The following SPTLC3 variants were observed in gnomAD, a reference collection of about 807,000 sequenced individuals.
SPTLC3 encodes serine palmitoyltransferase 3.
A neutral mutation model predicts 59.3 loss-of-function variants in SPTLC3; 36 were observed. The observed-to-expected ratio is 0.61, with a 90% CI of 0.47 to 0.80. The LOEUF (loss-of-function observed/expected upper bound fraction) is 0.80, where lower values mean the gene tolerates loss of function less well. Ranked by LOEUF, SPTLC3 falls within the 30% of genes least tolerant of loss-of-function variation. The probability of loss-of-function intolerance (pLI) is 0.00; values close to 1 mark genes in which losing one functional copy is unlikely to be tolerated. For missense variants in SPTLC3, 625 were observed against 685.1 expected, an observed-to-expected ratio of 0.91 and a Z score of 0.98; for synonymous variants, 257 against 240.8, an observed-to-expected ratio of 1.07 and a Z score of -0.62.
chr20:13,032,101 C>G (rs1161666817), intron 1 of SPTLC3, among the ~76,000 whole-genome samples: 2 of 152,194 alleles, frequency 1.3e-5, no homozygotes, highest in Non-Finnish European at 2.9e-5. Context: ...TATAATTGGT[C>G]AAGAACGTGG....
chr20:13,048,064 A>G (rs2122495287), intron 1 of SPTLC3, among the ~76,000 whole-genome samples: 1 of 152,340 alleles, frequency 6.6e-6, no homozygotes, highest in Non-Finnish European at 1.5e-5. Flanking sequence ...TAACTGACAA[A>G]GATCAAAAAA....
chr20:13,116,314 A>T (rs899656586), intron 7 of SPTLC3, among the ~76,000 whole-genome samples: 1 of 152,238 alleles, frequency 6.6e-6, no homozygotes, highest in Non-Finnish European at 1.5e-5. Flanking sequence ...GAACTAACCT[A>T]AACGGTTGTT....
chr20:13,136,953 T>C (rs1002058770), intron 9 of SPTLC3, among the ~76,000 whole-genome samples: 7 of 152,062 alleles, frequency 4.6e-5, no homozygotes, highest in African/African-American at 1.7e-4. Flanking sequence ...TTCTCTACTT[T>C]CCATAGGAAG....
At chr20:13,047,496 T>G (rs1431439) in intron 1 of SPTLC3, among the ~76,000 whole-genome samples, 151,516 of 152,230 alleles carry the variant, frequency 1, 75,409 homozygotes, top group Middle Eastern at 1. Flanking sequence ...TTCAAAACAT[T>G]TTTTGTGTGT....
At position 13,154,115 on chromosome 20, in the gene SPTLC3, T is replaced by C; in HGVS notation, c.1392T>C (p.Leu464=). ...GNENASVVPL[L]LYMPGKVAAF... ...AGAATGCTTCTGTTGTTCCTCTGCT[T>C]CTTTATATGCCTGGTAAAGTAGCGT... The change falls in exon 10 of 12, where the codon CTT becomes CTC. Residue 464 remains leucine, a synonymous_variant. Transcript: ENST00000399002. The C allele has an allele frequency of 1.2e-6, 2 of 1,614,174 alleles. No individual in the cohort carries two copies. The highest frequency in any genetic ancestry group is 1.7e-6 in the Non-Finnish European group (2 of 1,180,000).
intron 11 of SPTLC3, 57 bp downstream of exon 11, chr20:13,160,189 G>A (rs1044218314): frequency 1.3e-6 from 2 of 1,537,978 alleles, no homozygotes; most frequent in Middle Eastern, 1.7e-4. Flanking sequence ...TTCAAAGCAA[G>A]TCCTTTTGTT....
At chr20:13,065,816 A>G (rs1988182817) in intron 2 of SPTLC3, among the ~76,000 whole-genome samples, 1 of 103,052 alleles carries the variant, frequency 9.7e-6, no homozygotes, top group African/African-American at 3.4e-5. Context: ...TTTATAGTGT[A>G]CAATATGATG....
chr20:13,076,172 T>C (rs1377883200), intron 4 of SPTLC3, among the ~76,000 whole-genome samples: 1 of 152,038 alleles, frequency 6.6e-6, no homozygotes, highest in Non-Finnish European at 1.5e-5. Flanking sequence ...TTTAGGCAAA[T>C]AGAATGACTG....
At chr20:13,055,920 A>G (rs1211741935) in intron 2 of SPTLC3, among the ~76,000 whole-genome samples, 1 of 152,082 alleles carries the variant, frequency 6.6e-6, no homozygotes, top group Non-Finnish European at 1.5e-5. Flanking sequence ...AGGGCCTTTC[A>G]AGAGTCATCT....
At chr20:13,044,878 C>T (rs1337140990) in intron 1 of SPTLC3, among the ~76,000 whole-genome samples, 1 of 152,050 alleles carries the variant, frequency 6.6e-6, no homozygotes, top group African/African-American at 2.4e-5. Flanking sequence ...CAACACCAGA[C>T]TCCAGTTCAA....
chr20:13,019,439 A>G (rs1204231190), intron 1 of SPTLC3, among the ~76,000 whole-genome samples: 3 of 152,164 alleles, frequency 2.0e-5, no homozygotes, highest in African/African-American at 7.2e-5. Flanking sequence ...TTTAGGAAAA[A>G]TGGCTCAGAG....
intron 2 of SPTLC3, among the ~76,000 whole-genome samples, chr20:13,053,317 G>A (rs1279763683): frequency 6.6e-6 from 1 of 152,132 alleles, no homozygotes; most frequent in Non-Finnish European, 1.5e-5. Flanking sequence ...CTGTTAGAAG[G>A]AAAACTAACA....
intron 2 of SPTLC3, among the ~76,000 whole-genome samples, chr20:13,051,800 C>T (rs1032190292): frequency 6.6e-5 from 10 of 152,108 alleles, no homozygotes; most frequent in Non-Finnish European, 1.0e-4. Flanking sequence ...CAAAACCATG[C>T]AAATACATGG....
intron 1 of SPTLC3, among the ~76,000 whole-genome samples, chr20:13,014,066 AAG>A (rs1218691750): frequency 1.3e-5 from 2 of 152,218 alleles, no homozygotes; most frequent in Non-Finnish European, 2.9e-5. Flanking sequence ...ACTGGCTTCT[AAG>A]AGAGTAAAAA....
chr20:13,050,863 GACAA>G, intron 2 of SPTLC3: 2 of 152,216 alleles, frequency 1.3e-5, no homozygotes, highest in Admixed American at 1.3e-4. Flanking sequence ...GTCATCTTCA[GACAA>G]ACAAATGCCG....
chr20:13,083,596 C>T (rs560094782), intron 4 of SPTLC3, among the ~76,000 whole-genome samples: 1 of 152,280 alleles, frequency 6.6e-6, no homozygotes, highest in African/African-American at 2.4e-5. Context: ...TCCAGAAAGT[C>T]TCAATAACTT....
chr20:13,155,913 A>T (rs189495184), intron 10 of SPTLC3, among the ~76,000 whole-genome samples: 129 of 152,318 alleles, frequency 8.5e-4, no homozygotes, highest in Non-Finnish European at 1.4e-3. Context: ...TCAGGAAAAC[A>T]TTGCATGAAG....
chr20:13,149,041 C>T (rs1009348855), intron 9 of SPTLC3, among the ~76,000 whole-genome samples: 4 of 152,162 alleles, frequency 2.6e-5, no homozygotes, highest in Non-Finnish European at 5.9e-5. Context: ...AGTTTGATTC[C>T]CATTCCACTT....
intron 2 of SPTLC3, among the ~76,000 whole-genome samples, chr20:13,059,390 T>C (rs1017122543): frequency 5.9e-5 from 9 of 152,246 alleles, no homozygotes; most frequent in Middle Eastern, 3.4e-3. Context: ...GATCCTCAGG[T>C]GATACAGATA....
Sources: allele counts gnomAD v4.1 joint callset (sites outside exome capture counted in the v4.1 genomes callset), GRCh38; gene constraint gnomAD v4.1.1; transcripts MANE v1.5; gene names NCBI Gene and HGNC (gene_info 2026-07-23, HGNC 2026-07-21).